ANAPC16: variants seen among roughly 807,000 people sequenced by gnomAD.
ANAPC16 encodes anaphase-promoting complex subunit 16.
Under a neutral mutation model 13.1 loss-of-function variants are expected in ANAPC16, and 6 were observed. The ratio of observed to expected loss-of-function variants is 0.46; its 90% confidence interval spans 0.25 to 0.90. The LOEUF (loss-of-function observed/expected upper bound fraction) is 0.90. Among genes scored for constraint, ANAPC16 ranks in the 40% least tolerant of loss-of-function variants. The pLI is 0.18. For synonymous variants in ANAPC16, 55 were observed against 51.3 expected, an observed-to-expected ratio of 1.07 and a Z score of -0.31; for missense variants, 113 against 131.1, an observed-to-expected ratio of 0.86 and a Z score of 0.67.
intron 1 of ANAPC16, chr10:72,217,147 T>TG: frequency 2.3e-6 from 1 of 433,918 alleles, no homozygotes; most frequent in Non-Finnish European, 4.6e-6. Flanking sequence ...TTTTCGAAGG[T>TG]GGCAGGGTGT....
intron 1 of ANAPC16, among the ~76,000 whole-genome samples, chr10:72,218,145 C>CAAA (rs142932037): frequency 2.0e-4 from 7 of 34,880 alleles, no homozygotes; most frequent in African/African-American, 1.4e-3. Context: ...AACTCTGTCT[C>CAAA]AAAAAAAAAA....
chr10:72,216,913 A>G (rs1435669235), intron 1 of ANAPC16: 1 of 456,260 alleles, frequency 2.2e-6, no homozygotes, highest in Admixed American at 2.3e-5. Flanking sequence ...AACTGGTTGA[A>G]GATAGAGTTG....
At chr10:72,230,783 T>G (rs1194976055) in intron 3 of ANAPC16, among the ~76,000 whole-genome samples, 1 of 152,024 alleles carries the variant, frequency 6.6e-6, no homozygotes, top group Non-Finnish European at 1.5e-5. Flanking sequence ...CCCAGCTACT[T>G]GGGAGGCTGA....
intron 3 of ANAPC16, 114 bp from the exon 4 acceptor site, chr10:72,232,887 A>G: frequency 1.2e-6 from 1 of 826,824 alleles, no homozygotes; most frequent in South Asian, 1.6e-5. Context: ...TATAGGCGTG[A>G]TCCACCACAC....
intron 1 of ANAPC16, among the ~76,000 whole-genome samples, chr10:72,221,864 G>C (rs1438326276): frequency 6.6e-6 from 1 of 150,652 alleles, no homozygotes; most frequent in African/African-American, 2.4e-5. Flanking sequence ...CAAGTAGCTG[G>C]GATTACAGGC....
intron 1 of ANAPC16, among the ~76,000 whole-genome samples, chr10:72,221,316 A>C (rs1859922299): frequency 6.6e-6 from 1 of 152,148 alleles, no homozygotes; most frequent in Non-Finnish European, 1.5e-5. Context: ...AGTTATTTTT[A>C]ATCTAAATAC....
chr10:72,220,892 A>T (rs1859906059), intron 1 of ANAPC16: 1 of 150,656 alleles, frequency 6.6e-6, no homozygotes, highest in African/African-American at 2.4e-5. Context: ...TCTGACCATT[A>T]TAGAGGGAAA....
chr10:72,232,495 G>A (rs191592269), intron 3 of ANAPC16, among the ~76,000 whole-genome samples: 2 of 151,014 alleles, frequency 1.3e-5, no homozygotes, highest in Admixed American at 6.6e-5. Flanking sequence ...AGTGAGCCGA[G>A]ATCGCGCCAT....
chr10:72,221,461 A>G (rs958802263), intron 1 of ANAPC16, among the ~76,000 whole-genome samples: 9 of 151,172 alleles, frequency 6.0e-5, no homozygotes, highest in African/African-American at 2.2e-4. Context: ...TGGCAACCAT[A>G]TTGTGCAGTG....
At chr10:72,225,669 A>G (rs1436585670) in intron 2 of ANAPC16, among the ~76,000 whole-genome samples, 1 of 152,174 alleles carries the variant, frequency 6.6e-6, no homozygotes, top group African/African-American at 2.4e-5. Flanking sequence ...CTGGAGGCCA[A>G]GGCAGGCAGA....
chr10:72,232,794 T>C (rs7074385), intron 3 of ANAPC16, among the ~76,000 whole-genome samples: 21,338 of 151,626 alleles, frequency 0.14, 4,274 homozygotes, highest in African/African-American at 0.44. Context: ...TTTATAGAGA[T>C]GGGGTTTCAC....
intron 1 of ANAPC16, among the ~76,000 whole-genome samples, chr10:72,217,806 T>C (rs1427543204): frequency 6.6e-6 from 1 of 152,072 alleles, no homozygotes; most frequent in African/African-American, 2.4e-5. Context: ...GTATCCTTAA[T>C]CCAGAAATCC....
chr10:72,227,476 G>A (rs1407917654), intron 2 of ANAPC16, among the ~76,000 whole-genome samples: 3 of 152,036 alleles, frequency 2.0e-5, no homozygotes, highest in Admixed American at 2.0e-4. Flanking sequence ...ATCTTAAAAA[G>A]ATTAAGATAA....
chr10:72,219,355 C>T (rs1859809006), intron 1 of ANAPC16, among the ~76,000 whole-genome samples: 1 of 152,140 alleles, frequency 6.6e-6, no homozygotes, highest in African/African-American at 2.4e-5. Flanking sequence ...TAATCTAACT[C>T]CCAAAGTTGT....
intron 3 of ANAPC16, among the ~76,000 whole-genome samples, 154 bp downstream of exon 3, chr10:72,230,594 C>T (rs1860266942): frequency 6.6e-6 from 1 of 152,198 alleles, no homozygotes. Context: ...ATAATGTCCA[C>T]ATTGAGGCTT....
At chr10:72,221,547 C>CTTTTTT (rs910872494) in intron 1 of ANAPC16, among the ~76,000 whole-genome samples, 353 of 91,326 alleles carry the variant, frequency 3.9e-3, no homozygotes, top group Non-Finnish European at 5.3e-3. Context: ...TTTTTCTTTT[C>CTTTTTT]TTTTTTTTTT....
intron 2 of ANAPC16, among the ~76,000 whole-genome samples, chr10:72,227,367 T>C (rs971483636): frequency 6.6e-6 from 1 of 152,104 alleles, no homozygotes; most frequent in Admixed American, 6.6e-5. Flanking sequence ...GAGAAATGTG[T>C]TGTGTTTCTG....
intron 1 of ANAPC16, among the ~76,000 whole-genome samples, chr10:72,217,794 G>A (rs1191920426): frequency 1.3e-5 from 2 of 152,070 alleles, no homozygotes; most frequent in Admixed American, 1.3e-4. Flanking sequence ...ATTACAGGTT[G>A]AGTATCCTTA....
chr10:72,218,646 G>C (rs1212109536), intron 1 of ANAPC16, among the ~76,000 whole-genome samples: 1 of 152,146 alleles, frequency 6.6e-6, no homozygotes, highest in Non-Finnish European at 1.5e-5. Context: ...CTATAGGCCA[G>C]GTGTTATGTT....
Sources: gnomAD v4.1 joint callset for allele counts (sites outside exome capture counted in the v4.1 genomes callset) on GRCh38, gnomAD v4.1.1 for gene constraint, MANE v1.5 for transcripts, NCBI Gene and HGNC (gene_info 2026-07-23, HGNC 2026-07-21) for gene names.